The following CDC14A variants were observed in gnomAD, a reference collection of about 807,000 sequenced individuals.
The protein encoded by CDC14A is dual specificity protein phosphatase CDC14A.
A neutral mutation model predicts 74.4 loss-of-function variants in CDC14A; 53 were observed. The ratio of observed to expected loss-of-function variants is 0.71; its 90% confidence interval spans 0.57 to 0.89. CDC14A has a LOEUF of 0.89. Ranked by LOEUF, CDC14A falls within the 40% of genes least tolerant of loss-of-function variation. The pLI is 0.00. For synonymous variants in CDC14A, 247 were observed against 258.4 expected, an observed-to-expected ratio of 0.96 and a Z score of 0.43; for missense variants, 646 against 713.7, an observed-to-expected ratio of 0.91 and a Z score of 1.08.
intron 15 of CDC14A, among the ~76,000 whole-genome samples, chr1:100,502,230 C>T (rs1004119296): frequency 1.3e-5 from 2 of 152,190 alleles, no homozygotes; most frequent in Non-Finnish European, 2.9e-5. Context: ...ACTCACCACT[C>T]ACCCACTGAC....
intron 10 of CDC14A, among the ~76,000 whole-genome samples, chr1:100,483,257 T>C (rs1669678111): frequency 6.6e-6 from 1 of 152,216 alleles, no homozygotes; most frequent in South Asian, 2.1e-4. Flanking sequence ...GCATCTGTTA[T>C]TTTTTAACTT....
intron 6 of CDC14A, among the ~76,000 whole-genome samples, chr1:100,441,536 A>G (rs984871459): frequency 6.6e-6 from 1 of 152,222 alleles, no homozygotes; most frequent in African/African-American, 2.4e-5. Context: ...GAACTACTAT[A>G]CATGGATATA....
intron 3 of CDC14A, among the ~76,000 whole-genome samples, chr1:100,383,291 T>C (rs1656405150): frequency 6.6e-6 from 1 of 152,200 alleles, no homozygotes; most frequent in Non-Finnish European, 1.5e-5. Context: ...TGAGCAACTT[T>C]TCTCTGACAT....
chr1:100,438,659 G>A (rs1307409203), intron 5 of CDC14A, among the ~76,000 whole-genome samples: 3 of 152,144 alleles, frequency 2.0e-5, no homozygotes, highest in African/African-American at 2.4e-5. Flanking sequence ...AATAATTGAA[G>A]TTTCAGGACT....
At chr1:100,432,033 C>G (rs1663750215) in intron 5 of CDC14A, among the ~76,000 whole-genome samples, 1 of 152,056 alleles carries the variant, frequency 6.6e-6, no homozygotes, top group African/African-American at 2.4e-5. Context: ...ATCTCTGTTT[C>G]TTTAGATGAG....
chr1:100,449,072 T>C (rs1557771159), intron 7 of CDC14A, among the ~76,000 whole-genome samples: 1 of 152,232 alleles, frequency 6.6e-6, no homozygotes, highest in Non-Finnish European at 1.5e-5. Context: ...TCCTGAGATA[T>C]TCAAGCAATT....
intron 8 of CDC14A, 136 bp downstream of exon 8, chr1:100,455,628 G>A: frequency 1.6e-6 from 1 of 617,128 alleles, no homozygotes; most frequent in East Asian, 2.9e-5. Flanking sequence ...AAATTGAACA[G>A]TAGTAATAGT....
chr1:100,416,766 C>A (rs1039885550), intron 4 of CDC14A, among the ~76,000 whole-genome samples: 1 of 152,146 alleles, frequency 6.6e-6, no homozygotes, highest in African/African-American at 2.4e-5. Context: ...ATTTTGAGCA[C>A]TTTACATACA....
chr1:100,380,087 G>T (rs1220510351), intron 3 of CDC14A, among the ~76,000 whole-genome samples: 1 of 152,106 alleles, frequency 6.6e-6, no homozygotes, highest in African/African-American at 2.4e-5. Context: ...ACATAATAAA[G>T]TTACCAATGT....
chr1:100,467,316 C>G (rs1163553655), intron 9 of CDC14A, among the ~76,000 whole-genome samples: 1 of 152,068 alleles, frequency 6.6e-6, no homozygotes, highest in Non-Finnish European at 1.5e-5. Context: ...GGAAAGCTGA[C>G]AAAAGGTCCC....
chr1:100,447,459 T>A (rs764360572), intron 7 of CDC14A, among the ~76,000 whole-genome samples: 2 of 152,200 alleles, frequency 1.3e-5, no homozygotes, highest in Non-Finnish European at 1.5e-5. Context: ...CAAAAGTAAC[T>A]GTGAGATGGT....
upstream of CDC14A, among the ~76,000 whole-genome samples, chr1:100,350,137 A>G (rs1197906165): frequency 7.2e-5 from 11 of 152,176 alleles, no homozygotes; most frequent in South Asian, 2.1e-4. Flanking sequence ...TATTATTAGT[A>G]GAGTTGGGGG....
intron 10 of CDC14A, among the ~76,000 whole-genome samples, chr1:100,473,461 A>G (rs1439376897): frequency 1.3e-5 from 2 of 151,928 alleles, no homozygotes; most frequent in Non-Finnish European, 2.9e-5. Context: ...ATCTTGGCTT[A>G]CTGCAGCCTC....
intron 4 of CDC14A, among the ~76,000 whole-genome samples, chr1:100,398,843 G>C (rs1307643852): frequency 6.6e-6 from 1 of 152,118 alleles, no homozygotes; most frequent in East Asian, 1.9e-4. Context: ...GCTGGGTTCA[G>C]ACCTGGAGAG....
intron 5 of CDC14A, among the ~76,000 whole-genome samples, chr1:100,424,727 C>T (rs1469217467): frequency 6.6e-6 from 1 of 152,188 alleles, no homozygotes; most frequent in Non-Finnish European, 1.5e-5. Flanking sequence ...TCTTCAGGAG[C>T]ACCTGTTTAG....
chr1:100,374,992 C>T (rs1655034985), intron 2 of CDC14A, among the ~76,000 whole-genome samples: 1 of 152,142 alleles, frequency 6.6e-6, no homozygotes, highest in African/African-American at 2.4e-5. Context: ...TAAGTAGAAT[C>T]AATACTTAAA....
chr1:100,484,188 G>T, intron 10 of CDC14A, 104 bp from the exon 11 acceptor site: 1 of 577,494 alleles, frequency 1.7e-6, no homozygotes, highest in South Asian at 3.4e-5. Context: ...ATGCTTATTT[G>T]CTAAATCTTT....
intron 13 of CDC14A, among the ~76,000 whole-genome samples, 175 bp from the exon 14 acceptor site, chr1:100,497,910 G>C (rs1450471549): frequency 7.3e-6 from 1 of 137,514 alleles, no homozygotes; most frequent in African/African-American, 2.4e-5. Context: ...AAGGTTCTTA[G>C]AACAGTGCCT....
At chr1:100,353,098 TGTCCTGCAGCCGCTGCGCGCGCTCTC>T in intron 1 of CDC14A, 95 bp downstream of exon 1, 2 of 1,356,012 alleles carry the variant, frequency 1.5e-6, no homozygotes, top group Non-Finnish European at 2.1e-6. Context: ...AGGCTGCCAG[TGTCCTGCAGCCGCTGCGCGCGCTCTC>T]GTCCCCTCTA....
Sources: allele counts gnomAD v4.1 joint callset (sites outside exome capture counted in the v4.1 genomes callset), GRCh38; gene constraint gnomAD v4.1.1; transcripts MANE v1.5; gene names NCBI Gene and HGNC (gene_info 2026-07-23, HGNC 2026-07-21).